CARD6: variants seen among roughly 807,000 people sequenced by gnomAD.
The protein encoded by CARD6 is caspase recruitment domain family member 6.
Under a neutral mutation model 23.6 loss-of-function variants are expected in CARD6, and 27 were observed. The observed-to-expected ratio is 1.14, with a 90% CI of 0.84 to 1.58. The LOEUF (loss-of-function observed/expected upper bound fraction) is 1.58. Ranked by LOEUF, CARD6 falls within the 40% of genes most tolerant of loss-of-function variation. CARD6 has a pLI of 0.00. For missense variants in CARD6, 1,214 were observed against 1,209.9 expected, an observed-to-expected ratio of 1.00 and a Z score of -0.05; for synonymous variants, 397 against 431.8, an observed-to-expected ratio of 0.92 and a Z score of 1.00.
intron 2 of CARD6, among the ~76,000 whole-genome samples, chr5:40,846,440 C>T (rs1488283615): frequency 6.6e-6 from 1 of 152,058 alleles, no homozygotes; most frequent in Admixed American, 6.6e-5. Flanking sequence ...GCCATCTATG[C>T]CATCTGTATC....
At position 40,852,830 on chromosome 5, in the gene CARD6, ATC is replaced by A; in HGVS notation, c.1502_1503del (p.Ser501Ter). ...DLPLLVLPRQISDGLVEITWC... is the reference protein window; with the variant it reads ...DLPLLVLPRQXSDGLVEITWC... ...GCCTCTTTTGGTGCTTCCCCGGCAA[ATC>A]TCTGATGGCCTGGTTGAGATAACAT... is the stretch of plus-strand genomic sequence containing the variant. On this transcript the variant is annotated frameshift_variant, in exon 3 of 3. Coordinates refer to ENST00000254691, the MANE Select transcript of CARD6 (RefSeq NM_032587.4). LOFTEE classifies it low-confidence loss of function (END_TRUNC). 1.2e-6 allele frequency: 2 copies of A among 1,614,144 alleles called. No individual in the cohort carries two copies. Among genetic ancestry groups the A allele is most frequent in the East Asian group, 2.2e-5 (1 of 44,888 alleles).
Position 40,852,688 on chromosome 5 carries a change from G to A in CARD6, c.1356G>A (p.Met452Ile). 6.2e-7 allele frequency: 1 copy of A among 1,614,132 alleles called. No homozygotes were observed. Among genetic ancestry groups the A allele is most frequent in the Non-Finnish European group, 8.5e-7 (1 of 1,180,014 alleles). ...AAAAGTTTCTGACTCTCATGAAGAT[G>A]CCTGTCATCTCTTTTGTGCGTCTAG... ...DTEKFLTLMKMPVISFVRLGY... is the reference protein window; with the variant it reads ...DTEKFLTLMKIPVISFVRLGY... The change falls in exon 3 of 3, where the codon ATG becomes ATA. Residue 452 changes from methionine to isoleucine, a missense_variant. By Grantham distance (10) the Met-to-Ile change is conservative. Transcript: ENST00000254691.
chr5:40,849,462 C>A (rs1214948336), intron 2 of CARD6, among the ~76,000 whole-genome samples: 1 of 152,050 alleles, frequency 6.6e-6, no homozygotes, highest in East Asian at 1.9e-4. Context: ...ACCTTTTTGC[C>A]CCAACACATA....
At chr5:40,843,802 C>T (rs1745920645) in intron 2 of CARD6, 93 bp downstream of exon 2, 4 of 764,320 alleles carry the variant, frequency 5.2e-6, no homozygotes, top group South Asian at 6.3e-5. Flanking sequence ...GAAAAAGGGA[C>T]AGATGTCAGC....
chr5:40,854,388 C>G lies in CARD6; in HGVS notation c.3056C>G (p.Pro1019Arg). 1 of 1,614,138 alleles carries G rather than the reference C, an allele frequency of 6.2e-7. No homozygotes were observed. Among genetic ancestry groups the G allele is most frequent in the Non-Finnish European group, 8.5e-7 (1 of 1,180,016 alleles). The change falls in exon 3 of 3, where the codon CCT (proline) becomes CGT (arginine). Residue 1019 changes from proline (P) to arginine (R), a missense_variant. Transcript: ENST00000254691. ...CAACCTAAGTCATCCTCAACCAATC[C>G]TTCACAAGCTAAGGCACACCACTCA... ...PPQPKSSSTN[P>R]SQAKAHHSKA...
chr5:40,854,131 C>T lies in CARD6; in HGVS notation c.2799C>T (p.Ser933=). The change falls in exon 3 of 3, where the codon TCC becomes TCT. Residue 933 remains serine (S), a synonymous_variant. Coordinates refer to ENST00000254691, the MANE Select transcript of CARD6 (RefSeq NM_032587.4). Reference sequence around the variant, plus strand: ...CAAATCCAGCTCTCCAAATAGGGTCCCATCCCATGTGCAAGAGCTCTCAGT... The same window carrying T: ...CAAATCCAGCTCTCCAAATAGGGTCTCATCCCATGTGCAAGAGCTCTCAGT... ...GASNPALQIG[S]HPMCKSSQFK... 1.2e-6 allele frequency: 2 copies of T among 1,614,192 alleles called. No homozygotes were observed. Among genetic ancestry groups the T allele is most frequent in the Non-Finnish European group, 1.7e-6 (2 of 1,180,034 alleles).
rs751293523 is a variant in CARD6, at chr5:40,854,196, C to A, written c.2864C>A (p.Ser955Tyr). ...DQSNPSTVKH[S>Y]QPKPFHSVPS... ...TCCAACCCATCCACAGTCAAACACT[C>A]CCAGCCTAAACCCTTCCATTCTGTG... The change falls in exon 3 of 3, where the codon TCC becomes TAC. Residue 955 changes from serine (S) to tyrosine (Y), a missense_variant. Transcript: ENST00000254691. The A allele has an allele frequency of 2.5e-6, 4 of 1,614,172 alleles. No individual in the cohort carries two copies. Among genetic ancestry groups the A allele is most frequent in the Non-Finnish European group, 3.4e-6 (4 of 1,180,026 alleles).
At chr5:40,842,650 G>C (rs371210191) in intron 1 of CARD6, among the ~76,000 whole-genome samples, 2 of 151,858 alleles carry the variant, frequency 1.3e-5, no homozygotes, top group Non-Finnish European at 2.9e-5. Context: ...GGTGTGATCT[G>C]ATTTTTTTTT....
Position 40,852,640 on chromosome 5 carries a change from A to G in CARD6, c.1308A>G (p.Ser436=). The G allele has an allele frequency of 6.2e-7, 1 of 1,614,156 alleles. No homozygotes were observed. The highest frequency in any genetic ancestry group is 8.5e-7 in the Non-Finnish European group (1 of 1,180,022). Residue 436 remains serine (S), a synonymous_variant, in exon 3 of 3, where the codon TCA becomes TCG. Transcript: ENST00000254691. Reference sequence around the variant, plus strand: ...TGAAGAAGCAGTCAACACAGTTTTCAGGGGGGCCTACAGAGGATACAGAAA... The same window carrying G: ...TGAAGAAGCAGTCAACACAGTTTTCGGGGGGGCCTACAGAGGATACAGAAA... ...DIVKKQSTQF[S]GGPTEDTEKF...
intron 2 of CARD6, among the ~76,000 whole-genome samples, chr5:40,850,413 C>CAAAAAAAAAAAA (rs70988813): frequency 5.5e-5 from 2 of 36,594 alleles, no homozygotes; most frequent in African/African-American, 2.7e-4. Flanking sequence ...CACTCCATCT[C>CAAAAAAAAAAAA]AAAAAAAAAA....
chr5:40,847,940 C>T (rs1051331082), intron 2 of CARD6, among the ~76,000 whole-genome samples: 3 of 151,756 alleles, frequency 2.0e-5, no homozygotes, highest in African/African-American at 7.3e-5. Flanking sequence ...TCTGAGACTT[C>T]GAGTACATGA....
intron 2 of CARD6, among the ~76,000 whole-genome samples, chr5:40,847,091 T>C (rs1348178663): frequency 1.3e-5 from 2 of 152,254 alleles, no homozygotes; most frequent in Admixed American, 6.5e-5. Flanking sequence ...AATGTAGTTA[T>C]GATCTGCAAT....
chr5:40,848,512 G>A (rs979541972), intron 2 of CARD6, among the ~76,000 whole-genome samples: 19 of 152,120 alleles, frequency 1.2e-4, no homozygotes, highest in Non-Finnish European at 4.4e-5. Context: ...CACCATGCCT[G>A]ACTGTAAAAT....
At chr5:40,852,081 T>C (rs748518889) in intron 2 of CARD6, 93 bp from the exon 3 acceptor site, 3 of 745,398 alleles carry the variant, frequency 4.0e-6, no homozygotes, top group South Asian at 1.9e-5. Flanking sequence ...GATTCCAGCC[T>C]AGGTGATGGA....
rs1268882261 is a variant in CARD6, at chr5:40,843,650, G to A, written c.782G>A (p.Ser261Asn). Residue 261 changes from serine to asparagine, a missense_variant, in exon 2 of 3, where the codon AGT (serine) becomes AAT (asparagine). Coordinates refer to ENST00000254691, the MANE Select transcript of CARD6 (RefSeq NM_032587.4). Reference sequence around the variant, plus strand: ...ACAGAGTTCTCTGGTGAAGAACCAAGTTATGAGGGATCAGAAACCAGCCTT... The same window carrying A: ...ACAGAGTTCTCTGGTGAAGAACCAAATTATGAGGGATCAGAAACCAGCCTT... The part of the protein sequence containing the change: ...ETTEFSGEEP[S>N]YEGSETSLSL... 7.6e-6 allele frequency: 12 copies of A among 1,573,314 alleles called. No individual in the cohort carries two copies. Among genetic ancestry groups the A allele is most frequent in the African/African-American group, 1.4e-5 (1 of 72,682 alleles).
At chr5:40,845,649 G>GT in intron 2 of CARD6, among the ~76,000 whole-genome samples, 1 of 151,900 alleles carries the variant, frequency 6.6e-6, no homozygotes, top group Non-Finnish European at 1.5e-5. Context: ...TATCTATTCT[G>GT]TTTTTTTCTC....
chr5:40,854,201 C>A lies in CARD6; in HGVS notation c.2869C>A (p.Pro957Thr). Reference protein sequence around the residue: ...SNPSTVKHSQPKPFHSVPSQP... With the variant: ...SNPSTVKHSQTKPFHSVPSQP... ...CCCATCCACAGTCAAACACTCCCAG[C>A]CTAAACCCTTCCATTCTGTGCCCTC... Residue 957 changes from proline (P) to threonine (T), a missense_variant, in exon 3 of 3, where the codon CCT becomes ACT. Pro to Thr is a conservative substitution (Grantham distance 38, BLOSUM62 -1). Transcript: ENST00000254691. 1 of 1,614,168 alleles carries A rather than the reference C, an allele frequency of 6.2e-7. No individual in the cohort carries two copies.
rs757716626 is a variant in CARD6 at position 40,854,388 on chromosome 5, C to T, written c.3056C>T (p.Pro1019Leu). The T allele has an allele frequency of 4.8e-5, 78 of 1,614,020 alleles. No homozygotes were observed. Among genetic ancestry groups the T allele is most frequent in the South Asian group, 1.6e-4 (15 of 91,090 alleles). ...CAACCTAAGTCATCCTCAACCAATC[C>T]TTCACAAGCTAAGGCACACCACTCA... Reference protein sequence around the residue: ...PPQPKSSSTNPSQAKAHHSKA... With the variant: ...PPQPKSSSTNLSQAKAHHSKA... Residue 1019 changes from proline to leucine, a missense_variant, in exon 3 of 3, where the codon CCT (proline) becomes CTT (leucine). Pro to Leu is a moderately conservative substitution (Grantham distance 98). Transcript: ENST00000254691.
rs144602455 is a variant in CARD6, at chr5:40,854,320, G to T, written c.2988G>T (p.Gln996His). Reference sequence around the variant, plus strand: ...AATCTACTCAGCCTAAGCCAAGCCAGCCCTGGCCTCCCCAGTCTAAGCCTT... The same window carrying T: ...AATCTACTCAGCCTAAGCCAAGCCATCCCTGGCCTCCCCAGTCTAAGCCTT... ...PCKSTQPKPS[Q>H]PWPPQSKPSQ... The change falls in exon 3 of 3, where the codon CAG becomes CAT. Residue 996 changes from glutamine (Q) to histidine (H), a missense_variant. By Grantham distance (24) the Gln-to-His change is conservative. Coordinates refer to ENST00000254691, the MANE Select transcript of CARD6 (RefSeq NM_032587.4). 561 of 1,614,072 alleles carry T rather than the reference G, an allele frequency of 3.5e-4. No individual in the cohort carries two copies. Among genetic ancestry groups the T allele is most frequent in the Non-Finnish European group, 4.6e-4 (538 of 1,180,022 alleles).
Sources: allele counts gnomAD v4.1 joint callset (sites outside exome capture counted in the v4.1 genomes callset), GRCh38; gene constraint gnomAD v4.1.1; transcripts MANE v1.5; gene names NCBI Gene and HGNC (gene_info 2026-07-23, HGNC 2026-07-21).